DMD: variants seen among roughly 807,000 people sequenced by gnomAD.
The protein encoded by DMD is dystrophin, also known as mutant dystrophin.
In DMD, 63 loss-of-function variants were observed where a neutral mutation model predicts 330.1. The observed-to-expected ratio is 0.19, with a 90% CI of 0.16 to 0.24. The LOEUF is 0.24. Among genes scored for constraint, DMD ranks in the 10% least tolerant of loss-of-function variants. The pLI is 1.00. For synonymous variants in DMD, 1,223 were observed against 959.8 expected (o/e 1.27, Z -5.07); for missense variants, 3,344 against 2,684.1 (o/e 1.25, Z -5.43).
intron 60 of DMD, among the ~76,000 whole-genome samples, chrX:31,356,755 G>T (rs1280793246): frequency 9.0e-6 from 1 of 111,695 alleles, no homozygotes; most frequent in East Asian, 2.8e-4. Context: ...ACATTAAATT[G>T]ACTTCATAGA....
chrX:33,212,818 TA>T (rs1441087457), upstream of DMD, among the ~76,000 whole-genome samples: 2 of 111,789 alleles, frequency 1.8e-5, no homozygotes, highest in Admixed American at 1.9e-4. Context: ...TGTGGTTGTC[TA>T]AATATGCATA....
intron 45 of DMD, among the ~76,000 whole-genome samples, chrX:31,961,740 G>GTTTTTTTTTTTTTTTTTTTTTTTTTTT (rs59279553): frequency 2.6e-5 from 2 of 75,636 alleles, no homozygotes; most frequent in African/African-American, 5.3e-5. Flanking sequence ...AAAGGAAGCG[G>GTTTTTTTTTTTTTTTTTTTTTTTTTTT]TTTTTTTTTT....
At chrX:31,531,384 G>T (rs1431917942) in intron 55 of DMD, among the ~76,000 whole-genome samples, 30 of 52,165 alleles carry the variant, frequency 5.8e-4, no homozygotes, top group Non-Finnish European at 6.7e-4. Context: ...GGTGTGAGAT[G>T]ATATCTCATA....
At chrX:31,717,962 C>G (rs966255571) in intron 52 of DMD, among the ~76,000 whole-genome samples, 1 of 111,531 alleles carries the variant, frequency 9.0e-6, no homozygotes, top group Non-Finnish European at 1.9e-5. Context: ...AAAAATCTGA[C>G]TCCAATTGTC....
At chrX:33,256,225 C>A (rs5927159) in intron 1 of DMD, among the ~76,000 whole-genome samples, 66,832 of 109,977 alleles carry the variant, frequency 0.61, 17,422 homozygotes, top group Non-Finnish European at 0.83. Flanking sequence ...CCACAAATTT[C>A]TTGCCAGATA....
At chrX:31,328,295 C>G (rs779647032) in intron 61 of DMD, among the ~76,000 whole-genome samples, 1 of 110,499 alleles carries the variant, frequency 9.0e-6, no homozygotes, top group African/African-American at 3.4e-5. Flanking sequence ...AAACATTTTA[C>G]ATAAATTACA....
intron 1 of DMD, among the ~76,000 whole-genome samples, chrX:33,095,062 T>C (rs1164096549): frequency 1.8e-5 from 2 of 112,176 alleles, no homozygotes; most frequent in Non-Finnish European, 3.8e-5. Context: ...GTAATTACCT[T>C]TTGCTATTTC....
chrX:31,251,164 C>CT (rs375001363), intron 63 of DMD, among the ~76,000 whole-genome samples: 93 of 101,861 alleles, frequency 9.1e-4, no homozygotes, highest in Non-Finnish European at 1.3e-3. Flanking sequence ...GTGATAGCTT[C>CT]TTTTTTTTTT....
At chrX:31,137,166 G>A (rs757524008) in intron 76 of DMD, among the ~76,000 whole-genome samples, 27 of 110,893 alleles carry the variant, frequency 2.4e-4, no homozygotes, top group African/African-American at 5.9e-4. Context: ...CTACAGGCGC[G>A]TGCCACCACG....
chrX:32,366,823 G>A (rs181256168), intron 34 of DMD, among the ~76,000 whole-genome samples: 1 of 112,025 alleles, frequency 8.9e-6, no homozygotes, highest in East Asian at 2.8e-4. Context: ...TTTTATGCAA[G>A]ACAAAAACAC....
chrX:32,682,319 T>G (rs2062487473), intron 9 of DMD, among the ~76,000 whole-genome samples: 2 of 111,537 alleles, frequency 1.8e-5, no homozygotes, highest in African/African-American at 6.5e-5. Context: ...AAAGCTCATC[T>G]TAGACAGCTA....
intron 27 of DMD, 51 bp downstream of exon 27, chrX:32,448,405 T>C (rs1250580334): frequency 8.5e-7 from 1 of 1,173,506 alleles, no homozygotes; most frequent in African/African-American, 1.8e-5. Flanking sequence ...ATGCCTCACA[T>C]ATGACCATGT....
intron 4 of DMD, among the ~76,000 whole-genome samples, chrX:32,826,262 G>A (rs1321960289): frequency 8.9e-6 from 1 of 111,813 alleles, no homozygotes; most frequent in Non-Finnish European, 1.9e-5. Flanking sequence ...TTGTAGTCAT[G>A]AAAAACAGTA....
intron 51 of DMD, among the ~76,000 whole-genome samples, chrX:31,765,622 ATATC>A (rs1174072753): frequency 8.9e-6 from 1 of 112,149 alleles, no homozygotes; most frequent in Non-Finnish European, 1.9e-5. Context: ...GACTATTAAA[ATATC>A]TACTTAATGT....
intron 34 of DMD, among the ~76,000 whole-genome samples, chrX:32,376,726 C>G: frequency 9.4e-6 from 1 of 106,430 alleles, no homozygotes; most frequent in East Asian, 2.9e-4. Context: ...TTTTTTTTTT[C>G]TCATAAAAAC....
At chrX:31,473,381 A>T (rs1486554922) in intron 59 of DMD, among the ~76,000 whole-genome samples, 77 of 104,605 alleles carry the variant, frequency 7.4e-4, no homozygotes, top group Non-Finnish European at 1.3e-3. Flanking sequence ...AAAAAAAATT[A>T]AAAAAAGAGA....
chrX:31,344,537 A>G (rs1305925787), intron 61 of DMD, among the ~76,000 whole-genome samples: 1 of 111,471 alleles, frequency 9.0e-6, no homozygotes, highest in Non-Finnish European at 1.9e-5. Flanking sequence ...GCATGTTTTT[A>G]TCTGCGCATG....
Position 32,348,484 on chromosome X carries a change from T to C in DMD, c.5370A>G (p.Ile1790Met), listed in dbSNP as rs748336386. The C allele has an allele frequency of 1.7e-6, 2 of 1,207,278 alleles. No individual in the cohort carries two copies. The highest frequency in any genetic ancestry group is 1.8e-5 in the South Asian group (1 of 56,881). Residue 1790 changes from isoleucine to methionine, a missense_variant, in exon 38 of 79, where the codon ATA becomes ATG. Coordinates refer to ENST00000357033, the MANE Select transcript of DMD (RefSeq NM_004006.3). ...LKELEQFNSD[I>M]QKLLEPLEAE... is the part of the protein sequence containing the mutation. ...CCTCCAGTGGTTCAAGCAATTTTTGTATATCTGAGTTAAACTGCTCCAATT... is the reference window on the plus strand; with the variant it reads ...CCTCCAGTGGTTCAAGCAATTTTTGCATATCTGAGTTAAACTGCTCCAATT...
intron 41 of DMD, among the ~76,000 whole-genome samples, chrX:32,329,055 T>C (rs331336): frequency 1.6e-4 from 18 of 111,535 alleles, no homozygotes; most frequent in Non-Finnish European, 2.6e-4. Flanking sequence ...ATTCCACATA[T>C]TTTCATTAAA....
Sources: gnomAD v4.1 joint callset for allele counts (sites outside exome capture counted in the v4.1 genomes callset) on GRCh38, gnomAD v4.1.1 for gene constraint, MANE v1.5 for transcripts, NCBI Gene and HGNC (gene_info 2026-07-23, HGNC 2026-07-21) for gene names.